GANC: variants seen among roughly 807,000 people sequenced by gnomAD.
The protein encoded by GANC is glucosidase alpha, neutral C, also known as neutral alpha-glucosidase C.
In GANC, 117 loss-of-function variants were observed where a neutral mutation model predicts 124.2. The ratio of observed to expected loss-of-function variants is 0.94; its 90% CI spans 0.81 to 1.10. The LOEUF (loss-of-function observed/expected upper bound fraction) is 1.10, where lower values mean the gene tolerates loss of function less well. Among genes scored for constraint, GANC ranks in the 50% least tolerant of loss-of-function variants. GANC has a pLI of 0.00. For missense variants in GANC, 1,140 were observed against 1,095.0 expected, an observed-to-expected ratio of 1.04 and a Z score of -0.58; for synonymous variants, 377 against 376.8, an observed-to-expected ratio of 1.00 and a Z score of -0.01.
At chr15:42,283,874 G>A in intron 3 of GANC, 1 of 702,646 alleles carries the variant, frequency 1.4e-6, no homozygotes, top group South Asian at 1.5e-5. Flanking sequence ...GGACAGGCCA[G>A]TTGTCCTTGG....
At chr15:42,281,271 T>TGA in intron 3 of GANC, 4 of 619,552 alleles carry the variant, frequency 6.5e-6, no homozygotes, top group Non-Finnish European at 1.1e-5. Flanking sequence ...CATGTGGTGT[T>TGA]GAGATGACTA....
intron 3 of GANC, among the ~76,000 whole-genome samples, chr15:42,283,437 AAG>A (rs747860098): frequency 6.8e-4 from 104 of 152,314 alleles, no homozygotes; most frequent in African/African-American, 7.0e-4. Context: ...TGGATTGAGA[AAG>A]AGAGATCTAG....
At chr15:42,285,038 A>T (rs2051774306) in intron 3 of GANC, among the ~76,000 whole-genome samples, 2 of 152,154 alleles carry the variant, frequency 1.3e-5, no homozygotes, top group South Asian at 2.1e-4. Flanking sequence ...TAACAGGAGG[A>T]AGAGATTTGA....
At position 42,340,775 on chromosome 15, in the gene GANC, T is replaced by C. The variant is rs751055686; in HGVS notation, c.2152+21T>C. On this transcript the variant is annotated intron_variant, in intron 18 of 23. Transcript: ENST00000318010. ...GCTGGGTGAGCATTTCTGTTTTTTT[T>C]TTTTTTTTTGAGACGGAGTCTCACT... The C allele has an allele frequency of 7.6e-6, 12 of 1,583,388 alleles. No homozygotes were observed. In the South Asian group the frequency reaches 1.1e-4, roughly 15 times the overall value.
intron 22 of GANC, 58 bp downstream of exon 22, chr15:42,349,553 C>A: frequency 3.0e-6 from 3 of 987,266 alleles, no homozygotes; most frequent in Non-Finnish European, 4.8e-6. Context: ...ATCCGTTCAG[C>A]ATCCTCAAAT....
At chr15:42,287,641 G>A (rs758896384) in intron 3 of GANC, 50 bp from the exon 4 acceptor site, 2 of 1,570,226 alleles carry the variant, frequency 1.3e-6, no homozygotes, top group Middle Eastern at 1.7e-4. Flanking sequence ...TGCAAAATTG[G>A]CCATCACTTG....
At position 42,281,463 on chromosome 15, in the gene GANC, C is replaced by A. The variant is rs143886322; in HGVS notation, c.201+2873C>A. Among the ~76,000 whole-genome samples the A allele has an allele frequency of 1.8e-3, 275 of 152,206 alleles. 1 individual carries two copies. Among genetic ancestry groups the A allele is most frequent in the African/African-American group, 6.0e-3 (250 of 41,538 alleles). ...CTTTGGGAGGCCAAAGCAGGCAGAT[C>A]GCTTGAGGCCAGGAGTTTGAGACCA... On this transcript the variant is annotated intron_variant, in intron 3 of 23. Coordinates refer to ENST00000318010, the MANE Select transcript of GANC (RefSeq NM_198141.3).
chr15:42,277,915 GAAAAAAA>G (rs59950616), intron 2 of GANC: 1,388 of 83,872 alleles, frequency 0.017, 31 homozygotes, highest in African/African-American at 0.057. Context: ...ATGTTCATTT[GAAAAAAA>G]AAAAAAAAAA....
chr15:42,337,739 A>C (rs1460074896), intron 15 of GANC, among the ~76,000 whole-genome samples: 1 of 152,166 alleles, frequency 6.6e-6, no homozygotes, highest in Admixed American at 6.5e-5. Flanking sequence ...AAATGAGCAA[A>C]AGATTTCTAT....
At chr15:42,290,993 A>G (rs942065364) in intron 4 of GANC, among the ~76,000 whole-genome samples, 4 of 151,990 alleles carry the variant, frequency 2.6e-5, no homozygotes, top group African/African-American at 9.7e-5. Context: ...CACCTAAAAT[A>G]TACATGCACG....
intron 11 of GANC, among the ~76,000 whole-genome samples, chr15:42,325,187 C>T (rs547182279): frequency 2.0e-5 from 3 of 151,660 alleles, no homozygotes; most frequent in Admixed American, 6.6e-5. Flanking sequence ...GCAGGAGAAT[C>T]GCTGGAACCC....
At chr15:42,348,566 A>G (rs933379626) in intron 21 of GANC, among the ~76,000 whole-genome samples, 4 of 152,172 alleles carry the variant, frequency 2.6e-5, no homozygotes, top group Non-Finnish European at 5.9e-5. Flanking sequence ...ACCCATGTCT[A>G]TGCACCATTT....
In GANC at chr15:42,274,391, A is replaced by C; in HGVS notation, c.-91A>C. 1 of 1,381,430 alleles carries C rather than the reference A, an allele frequency of 7.2e-7. No individual in the cohort carries two copies. The highest frequency in any genetic ancestry group is 1.0e-6 in the Non-Finnish European group (1 of 994,698). 85.6% of individuals were successfully genotyped at this position (1,381,430 alleles called of 1,614,324 possible). On this transcript the variant is annotated 5_prime_UTR_variant, in exon 1 of 24. The change abolishes the stop of an existing upstream ORF in the 5' untranslated region. Coordinates refer to ENST00000318010, the MANE Select transcript of GANC (RefSeq NM_198141.3). Reference sequence around the variant, plus strand: ...ACTTGACGATGAAGTACTGGTTGTAATTTTAGAAAGACACCCAATCGGCTT... The same window carrying C: ...ACTTGACGATGAAGTACTGGTTGTACTTTTAGAAAGACACCCAATCGGCTT...
At chr15:42,324,554 A>G (rs1043298571) in intron 11 of GANC, among the ~76,000 whole-genome samples, 2 of 152,178 alleles carry the variant, frequency 1.3e-5, no homozygotes, top group African/African-American at 4.8e-5. Context: ...TTGCAACTCC[A>G]TTGACAGACG....
intron 10 of GANC, among the ~76,000 whole-genome samples, chr15:42,317,501 A>G (rs926086578): frequency 2.6e-5 from 4 of 152,150 alleles, no homozygotes; most frequent in Non-Finnish European, 4.4e-5. Flanking sequence ...GGTGAATGTA[A>G]TTAATGCCAT....
At chr15:42,294,909 A>G (rs577865864) in intron 5 of GANC, among the ~76,000 whole-genome samples, 1 of 151,050 alleles carries the variant, frequency 6.6e-6, no homozygotes, top group Non-Finnish European at 1.5e-5. Flanking sequence ...CATATATACA[A>G]GTATATTTAT....
At chr15:42,281,846 T>C (rs1425445111) in intron 3 of GANC, among the ~76,000 whole-genome samples, 1 of 152,164 alleles carries the variant, frequency 6.6e-6, no homozygotes, top group African/African-American at 2.4e-5. Context: ...ACATATACAT[T>C]GATTAAATTG....
chr15:42,339,663 T>C lies in GANC; in HGVS notation c.1844-6T>C. 6.2e-7 allele frequency: 1 copy of C among 1,609,304 alleles called. No homozygotes were observed. ...GTTGCCTCACTTGGCCTTCTTTTGC[T>C]TCCAGCTGACATAGGCGGGTTCATT... On this transcript the variant is annotated splice_polypyrimidine_tract_variant and splice_region_variant and intron_variant, in intron 16 of 23. Coordinates refer to ENST00000318010, the MANE Select transcript of GANC (RefSeq NM_198141.3).
intron 3 of GANC, among the ~76,000 whole-genome samples, chr15:42,284,902 T>C (rs2051772506): frequency 6.6e-6 from 1 of 152,216 alleles, no homozygotes; most frequent in East Asian, 1.9e-4. Flanking sequence ...TTTACATAAA[T>C]TGACCTGGCT....
Sources: gnomAD v4.1 joint callset for allele counts (sites outside exome capture counted in the v4.1 genomes callset) on GRCh38, gnomAD v4.1.1 for gene constraint, MANE v1.5 for transcripts, NCBI Gene and HGNC (gene_info 2026-07-23, HGNC 2026-07-21) for gene names.